SACM1L: variants seen among roughly 807,000 people sequenced by gnomAD.
SACM1L encodes phosphatidylinositol-3-phosphatase SAC1.
Under a neutral mutation model 89.5 loss-of-function variants are expected in SACM1L, and 32 were observed. The observed-to-expected ratio is 0.36, with a 90% CI of 0.27 to 0.48. The LOEUF (loss-of-function observed/expected upper bound fraction) is 0.48. Among genes scored for constraint, SACM1L ranks in the 20% least tolerant of loss-of-function variants. The pLI is 0.99. For synonymous variants in SACM1L, 213 were observed against 232.8 expected (o/e 0.92, Z 0.77); for missense variants, 543 against 708.5 (o/e 0.77, Z 2.65).
chr3:45,705,182 A>T lies in SACM1L; in HGVS notation c.178A>T (p.Ile60Leu). 1 of 1,611,410 alleles carries T rather than the reference A, an allele frequency of 6.2e-7. No homozygotes were observed. The highest frequency in any genetic ancestry group is 8.5e-7 in the Non-Finnish European group (1 of 1,177,962). ...PSAVTRPIFG[I>L]LGTIHLVAGN... ...AGCTGTCACAAGACCAATATTTGGT[A>T]TACTGGGCACAATCCATCTGGTGGC... The change falls in exon 3 of 20, where the codon ATA becomes TTA. Residue 60 changes from isoleucine to leucine, a missense_variant. By Grantham distance (5) the Ile-to-Leu change is conservative (BLOSUM62 2). Transcript: ENST00000389061.
At chr3:45,691,215 T>C (rs1464876278) in intron 1 of SACM1L, among the ~76,000 whole-genome samples, 1 of 152,234 alleles carries the variant, frequency 6.6e-6, no homozygotes, top group African/African-American at 2.4e-5. Context: ...CATTCTCTCA[T>C]TTGTCAGTCC....
chr3:45,692,627 A>T (rs1698022240), intron 1 of SACM1L, among the ~76,000 whole-genome samples: 1 of 152,186 alleles, frequency 6.6e-6, no homozygotes, highest in Non-Finnish European at 1.5e-5. Flanking sequence ...AGTTTAGATG[A>T]AGTACTTAGT....
In SACM1L at chr3:45,705,173, A is replaced by G. The variant is rs752615121; in HGVS notation, c.169A>G (p.Ile57Val). Reference protein sequence around the residue: ...DVPPSAVTRPIFGILGTIHLV... With the variant: ...DVPPSAVTRPVFGILGTIHLV... Reference sequence around the variant, plus strand: ...TCCTCCTTCAGCTGTCACAAGACCAATATTTGGTATACTGGGCACAATCCA... The same window carrying G: ...TCCTCCTTCAGCTGTCACAAGACCAGTATTTGGTATACTGGGCACAATCCA... The change falls in exon 3 of 20, where the codon ATA becomes GTA. Residue 57 changes from isoleucine to valine, a missense_variant. Ile to Val is a conservative substitution (Grantham distance 29). Around this residue, in one of 2 missense-constraint regions of SACM1L, gnomAD observed 173 missense variants for 180.9 expected, o/e 0.96. Coordinates refer to ENST00000389061, the MANE Select transcript of SACM1L (RefSeq NM_014016.5). 5 of 1,611,776 alleles carry G rather than the reference A, an allele frequency of 3.1e-6. No homozygotes were observed. Among genetic ancestry groups the G allele is most frequent in the Non-Finnish European group, 4.2e-6 (5 of 1,178,456 alleles).
chr3:45,706,079 T>C (rs1388787765), intron 3 of SACM1L, among the ~76,000 whole-genome samples: 1 of 152,152 alleles, frequency 6.6e-6, no homozygotes, highest in Non-Finnish European at 1.5e-5. Context: ...TGCAGTACAG[T>C]GTGACAAGTT....
intron 7 of SACM1L, among the ~76,000 whole-genome samples, chr3:45,715,227 A>G (rs1022232047): frequency 6.6e-5 from 10 of 152,214 alleles, no homozygotes; most frequent in African/African-American, 1.4e-4. Flanking sequence ...CCCTGAAGAA[A>G]ACGGTGATGA....
chr3:45,722,302 A>G (rs2125697113), intron 9 of SACM1L, among the ~76,000 whole-genome samples: 1 of 152,016 alleles, frequency 6.6e-6, no homozygotes, highest in Middle Eastern at 3.4e-3. Context: ...CCTAGAGGAG[A>G]GGGTAGGCTA....
chr3:45,736,851 C>T (rs184120286), intron 14 of SACM1L, among the ~76,000 whole-genome samples: 1 of 152,258 alleles, frequency 6.6e-6, no homozygotes, highest in African/African-American at 2.4e-5. Context: ...CCAAGTCTGC[C>T]AGTGAAGGCA....
At chr3:45,717,970 G>A (rs1698700539) in intron 7 of SACM1L, among the ~76,000 whole-genome samples, 2 of 152,218 alleles carry the variant, frequency 1.3e-5, no homozygotes, top group Admixed American at 1.3e-4. Flanking sequence ...TCAAATGTTG[G>A]TAAAGGTGAG....
chr3:45,689,587 T>C, intron 1 of SACM1L, 90 bp downstream of exon 1: 1 of 1,423,664 alleles, frequency 7.0e-7, no homozygotes, highest in Non-Finnish European at 9.6e-7. Context: ...AGTCCCGGAT[T>C]GCAGATAGGG....
At chr3:45,724,591 G>T (rs1045050062) in intron 11 of SACM1L, among the ~76,000 whole-genome samples, 1 of 151,860 alleles carries the variant, frequency 6.6e-6, no homozygotes, top group African/African-American at 2.4e-5. Flanking sequence ...CCACTCTTTA[G>T]GTTGATTTTT....
chr3:45,718,294 TAA>T (rs5848764), intron 7 of SACM1L, among the ~76,000 whole-genome samples: 73,431 of 148,376 alleles, frequency 0.49, 18,357 homozygotes, highest in Middle Eastern at 0.59. Flanking sequence ...CCTGTTATGT[TAA>T]AAAAAAAAAA....
In SACM1L at chr3:45,736,061, G is replaced by A. The variant is rs537788976; in HGVS notation, c.1239+688G>A. The stretch of plus-strand genomic sequence containing the variant: ...TTTGTATTTTTTTTTGTAGAGACAG[G>A]ATTTCACCATGTTGCCCAGGTTGGT... On this transcript the variant is annotated intron_variant, in intron 14 of 19. Transcript: ENST00000389061. Among the ~76,000 whole-genome samples the A allele has an allele frequency of 2.0e-5, 3 of 152,128 alleles. No individual in the cohort carries two copies. In the South Asian group the frequency reaches 6.2e-4, roughly 32 times the overall value.
At chr3:45,726,218 A>C (rs767938041) in intron 11 of SACM1L, among the ~76,000 whole-genome samples, 1 of 152,204 alleles carries the variant, frequency 6.6e-6, no homozygotes, top group Non-Finnish European at 1.5e-5. Flanking sequence ...AGAATAAGTT[A>C]GAAAGTGTTC....
chr3:45,689,665 A>G, intron 1 of SACM1L, 168 bp downstream of exon 1: 1 of 773,888 alleles, frequency 1.3e-6, no homozygotes, highest in South Asian at 1.7e-5. Context: ...TCGCCCGAGT[A>G]GCCATAGGCC....
At chr3:45,736,143 A>G (rs1001958095) in intron 14 of SACM1L, among the ~76,000 whole-genome samples, 1 of 152,220 alleles carries the variant, frequency 6.6e-6, no homozygotes, top group Non-Finnish European at 1.5e-5. Context: ...TGCTGGGATT[A>G]CAGGCTTGAG....
chr3:45,723,056 C>A, intron 10 of SACM1L, 101 bp downstream of exon 10: 2 of 947,590 alleles, frequency 2.1e-6, no homozygotes, highest in Non-Finnish European at 1.6e-6. Context: ...AATCAATGTT[C>A]AACATCTTTG....
chr3:45,734,188 G>A (rs1329479558), intron 13 of SACM1L, among the ~76,000 whole-genome samples: 3 of 143,884 alleles, frequency 2.1e-5, no homozygotes, highest in Non-Finnish European at 3.0e-5. Context: ...CAAGGCAGAC[G>A]GATCACCTGA....
intron 1 of SACM1L, among the ~76,000 whole-genome samples, chr3:45,702,745 C>CT (rs1698303157): frequency 6.6e-6 from 1 of 152,154 alleles, no homozygotes; most frequent in Non-Finnish European, 1.5e-5. Flanking sequence ...TTGTTAGACT[C>CT]TAATTACAAA....
rs1559535250 is a variant in SACM1L, at chr3:45,697,268, C to CT, written c.33-6170_33-6169insT. ...TCCTGCTTTGTTTTTCTTTTCTTTT[C>CT]CTTTTTTTTTTTTTTTTTTTTTTTT... On this transcript the variant is annotated intron_variant, in intron 1 of 19. Transcript: ENST00000389061. Among the ~76,000 whole-genome samples, 169 of 110,564 alleles carry CT rather than the reference C, an allele frequency of 1.5e-3. 1 individual carries two copies. The highest frequency in any genetic ancestry group is 4.1e-3 in the East Asian group (16 of 3,914). 72.5% of individuals were successfully genotyped at this position (110,564 alleles called of 152,430 possible).
Sources: allele counts gnomAD v4.1 joint callset (sites outside exome capture counted in the v4.1 genomes callset), GRCh38; gene constraint gnomAD v4.1.1; regional missense constraint gnomAD v4.1.1; transcripts MANE v1.5; gene names NCBI Gene and HGNC (gene_info 2026-07-23, HGNC 2026-07-21).